MICU1: variants seen among roughly 807,000 people sequenced by gnomAD.
The protein encoded by MICU1 is calcium uptake protein 1, mitochondrial.
A neutral mutation model predicts 56.8 loss-of-function variants in MICU1; 45 were observed. That is an observed-to-expected ratio of 0.79 (90% CI 0.62 to 1.02). The LOEUF is 1.02. Among genes scored for constraint, MICU1 ranks in the 50% least tolerant of loss-of-function variants. MICU1 has a pLI of 0.00. For missense variants in MICU1, 504 were observed against 587.1 expected (o/e 0.86, Z 1.46); for synonymous variants, 186 against 195.1 (o/e 0.95, Z 0.39).
intron 8 of MICU1, chr10:72,467,697 A>G (rs777710767): frequency 2.0e-5 from 3 of 152,176 alleles, no homozygotes; most frequent in Non-Finnish European, 4.4e-5. Flanking sequence ...GATTGAACAA[A>G]TCTAGTTTAA....
At chr10:72,519,542 C>G (rs1467805896) in intron 5 of MICU1, among the ~76,000 whole-genome samples, 1 of 152,126 alleles carries the variant, frequency 6.6e-6, no homozygotes, top group East Asian at 1.9e-4. Flanking sequence ...TACCAGATGA[C>G]TTTATGCTGA....
intron 6 of MICU1, among the ~76,000 whole-genome samples, chr10:72,499,616 G>A (rs1866958892): frequency 6.6e-6 from 1 of 152,076 alleles, no homozygotes; most frequent in Non-Finnish European, 1.5e-5. Flanking sequence ...TTTAGCAATG[G>A]CAGATAATTT....
intron 8 of MICU1, among the ~76,000 whole-genome samples, chr10:72,465,077 C>T (rs5014301): frequency 0.62 from 94,315 of 151,934 alleles, 30,027 homozygotes; most frequent in Non-Finnish European, 0.67. Flanking sequence ...CTTGGCTCCC[C>T]GCAACCTCCA....
At chr10:72,403,081 A>G (rs533359361) in intron 10 of MICU1, among the ~76,000 whole-genome samples, 1 of 152,248 alleles carries the variant, frequency 6.6e-6, no homozygotes, top group African/African-American at 2.4e-5. Context: ...GATACTACAT[A>G]AAAACTTGAG....
chr10:72,624,552 G>C (rs553347285), intron 1 of MICU1, among the ~76,000 whole-genome samples: 27 of 152,266 alleles, frequency 1.8e-4, no homozygotes, highest in African/African-American at 6.0e-4. Flanking sequence ...ACTGAATATA[G>C]TAAATATAAA....
chr10:72,563,437 T>C (rs767050474), intron 2 of MICU1, among the ~76,000 whole-genome samples: 5 of 152,310 alleles, frequency 3.3e-5, no homozygotes, highest in Non-Finnish European at 5.9e-5. Context: ...CGTGGATGAA[T>C]CTTGAGGGCG....
At chr10:72,485,686 GA>G (rs371509809) in intron 6 of MICU1, among the ~76,000 whole-genome samples, 231 of 151,904 alleles carry the variant, frequency 1.5e-3, no homozygotes, top group Non-Finnish European at 1.8e-3. Context: ...ATAAAGTACG[GA>G]AAATACTTCT....
At chr10:72,465,067 C>A (rs12572277) in intron 8 of MICU1, among the ~76,000 whole-genome samples, 1 of 152,182 alleles carries the variant, frequency 6.6e-6, no homozygotes, top group Non-Finnish European at 1.5e-5. Flanking sequence ...ATGGTGTGAT[C>A]TTGGCTCCCC....
At chr10:72,448,376 G>A (rs1191520192) in intron 8 of MICU1, among the ~76,000 whole-genome samples, 1 of 150,906 alleles carries the variant, frequency 6.6e-6, no homozygotes, top group African/African-American at 2.4e-5. Flanking sequence ...GTTTCACCAT[G>A]TTGGCCAGGC....
chr10:72,489,613 T>TTC (rs1441915900), intron 6 of MICU1, among the ~76,000 whole-genome samples: 1 of 152,190 alleles, frequency 6.6e-6, no homozygotes, highest in African/African-American at 2.4e-5. Flanking sequence ...TTTGCAAACT[T>TTC]AAGTCTCTGG....
chr10:72,523,910 C>G, intron 5 of MICU1: 1 of 1,493,422 alleles, frequency 6.7e-7, no homozygotes, highest in South Asian at 1.3e-5. Flanking sequence ...CATTGATTAG[C>G]TCAGAAAAGC....
intron 1 of MICU1, among the ~76,000 whole-genome samples, chr10:72,618,721 A>G (rs1842037147): frequency 6.6e-6 from 1 of 152,218 alleles, no homozygotes; most frequent in South Asian, 2.1e-4. Context: ...ATAATGTTCT[A>G]TCACAGCTCT....
chr10:72,457,112 C>T (rs1424339825), intron 8 of MICU1, among the ~76,000 whole-genome samples: 2 of 151,918 alleles, frequency 1.3e-5, no homozygotes, highest in Non-Finnish European at 2.9e-5. Context: ...GCTTGAGCCA[C>T]CATGCCCATC....
chr10:72,601,008 A>G (rs920694853), intron 1 of MICU1, among the ~76,000 whole-genome samples: 1 of 152,212 alleles, frequency 6.6e-6, no homozygotes, highest in Non-Finnish European at 1.5e-5. Flanking sequence ...TTATCTCCTC[A>G]GGGGAAGAAG....
chr10:72,428,733 G>A (rs1023729530), intron 8 of MICU1, among the ~76,000 whole-genome samples: 2 of 152,172 alleles, frequency 1.3e-5, no homozygotes, highest in African/African-American at 4.8e-5. Flanking sequence ...CAGCCTGACA[G>A]CCAAAACCAC....
At chr10:72,557,978 A>T (rs1188606098) in intron 3 of MICU1, among the ~76,000 whole-genome samples, 1 of 152,254 alleles carries the variant, frequency 6.6e-6, no homozygotes, top group Non-Finnish European at 1.5e-5. Context: ...AACAAATTGA[A>T]CTAAATAATT....
intron 9 of MICU1, among the ~76,000 whole-genome samples, chr10:72,421,576 C>T (rs960702121): frequency 2.0e-5 from 3 of 152,100 alleles, no homozygotes; most frequent in Non-Finnish European, 4.4e-5. Flanking sequence ...TGCGCAGCCA[C>T]CATCTTTTCT....
intron 9 of MICU1, among the ~76,000 whole-genome samples, chr10:72,413,150 T>C (rs1564853016): frequency 6.6e-6 from 1 of 151,954 alleles, no homozygotes; most frequent in Non-Finnish European, 1.5e-5. Context: ...TGAGCCGAGA[T>C]CGTGCCACTG....
intron 3 of MICU1, among the ~76,000 whole-genome samples, chr10:72,561,482 C>CAGAG (rs1189797922): frequency 6.6e-6 from 1 of 152,166 alleles, no homozygotes; most frequent in Non-Finnish European, 1.5e-5. Flanking sequence ...TCACCTCTAT[C>CAGAG]AGAAATGGAT....
Sources: allele counts gnomAD v4.1 joint callset (sites outside exome capture counted in the v4.1 genomes callset), GRCh38; gene constraint gnomAD v4.1.1; transcripts MANE v1.5; gene names NCBI Gene and HGNC (gene_info 2026-07-23, HGNC 2026-07-21).